Variants in WDR70 observed in about 807,000 individuals in gnomAD.
The protein encoded by WDR70 is WD repeat-containing protein 70.
WDR70 carries 53 observed loss-of-function variants against 88.6 expected under a neutral mutation model. The ratio of observed to expected loss-of-function variants is 0.60; its 90% confidence interval spans 0.48 to 0.75. WDR70 has a LOEUF of 0.75. Among genes scored for constraint, WDR70 ranks in the 30% least tolerant of loss-of-function variants. The pLI is 0.00. For synonymous variants in WDR70, 280 were observed against 270.0 expected (o/e 1.04, Z -0.36); for missense variants, 610 against 823.2 (o/e 0.74, Z 3.17).
Position 37,752,537 on chromosome 5 carries a change from A to G in WDR70, c.1929A>G (p.Ala643=). 3.7e-6 allele frequency: 6 copies of G among 1,613,276 alleles called. No homozygotes were observed. The highest frequency in any genetic ancestry group is 5.1e-6 in the Non-Finnish European group (6 of 1,179,560). Residue 643 remains alanine, a synonymous_variant, in exon 18 of 18, where the codon GCA becomes GCG. Transcript: ENST00000265107. ...AAGTTGAATCTGATGATGAGGAAGC[A>G]AAGAATGAGCCAGAATGGAAAAAAC... The part of the protein sequence containing the change: ...FAQVESDDEE[A]KNEPEWKKRK...
chr5:37,469,835 T>G (rs1157768035), intron 7 of WDR70, among the ~76,000 whole-genome samples: 1 of 152,182 alleles, frequency 6.6e-6, no homozygotes, highest in African/African-American at 2.4e-5. Context: ...TAAGGTAAAC[T>G]AAGTTTTTCT....
At chr5:37,628,558 T>C (rs1744732768) in intron 10 of WDR70, among the ~76,000 whole-genome samples, 2 of 152,216 alleles carry the variant, frequency 1.3e-5, no homozygotes, top group African/African-American at 4.8e-5. Flanking sequence ...TTCATGTGCA[T>C]GTAATACTTT....
chr5:37,610,626 T>C (rs1744166311), intron 10 of WDR70, among the ~76,000 whole-genome samples: 1 of 152,152 alleles, frequency 6.6e-6, no homozygotes, highest in African/African-American at 2.4e-5. Flanking sequence ...TGAGGAGCTC[T>C]CACCTCACTG....
chr5:37,388,112 A>G (rs1320669427), intron 3 of WDR70, among the ~76,000 whole-genome samples: 1 of 151,872 alleles, frequency 6.6e-6, no homozygotes, highest in Non-Finnish European at 1.5e-5. Flanking sequence ...GGACATATGA[A>G]ATACAAATTT....
chr5:37,669,169 T>G (rs1408033374), intron 10 of WDR70, among the ~76,000 whole-genome samples: 1 of 152,208 alleles, frequency 6.6e-6, no homozygotes, highest in Admixed American at 6.5e-5. Flanking sequence ...TTTATATATC[T>G]CAGTGTTGTG....
intron 5 of WDR70, among the ~76,000 whole-genome samples, chr5:37,423,961 C>A (rs1367756375): frequency 5.4e-5 from 8 of 148,872 alleles, no homozygotes; most frequent in African/African-American, 2.0e-4. Context: ...CCAGCCTGGC[C>A]AACATGGTGA....
rs372369337 is a variant in WDR70, at chr5:37,483,247, C to A, written c.840+3260C>A. On this transcript the variant is annotated intron_variant, in intron 8 of 17. Transcript: ENST00000265107. Reference sequence around the variant, plus strand: ...TGGTTTTCCTAGGCAGAGGACCCTGCGGCCTTCCGCAGTGTTTGTGTCCCT... The same window carrying A: ...TGGTTTTCCTAGGCAGAGGACCCTGAGGCCTTCCGCAGTGTTTGTGTCCCT... Among the ~76,000 whole-genome samples, 30 of 151,476 alleles carry A rather than the reference C, an allele frequency of 2.0e-4. No individual in the cohort carries two copies. The East Asian group carries it at 5.3e-3, about 27-fold the overall frequency.
chr5:37,412,995 T>A (rs1749571370), intron 5 of WDR70, among the ~76,000 whole-genome samples: 1 of 152,078 alleles, frequency 6.6e-6, no homozygotes, highest in African/African-American at 2.4e-5. Context: ...TGAAGTTGAC[T>A]TCAATTAAAG....
intron 4 of WDR70, among the ~76,000 whole-genome samples, chr5:37,395,743 G>A (rs968657326): frequency 6.6e-6 from 1 of 151,870 alleles, no homozygotes; most frequent in African/African-American, 2.4e-5. Flanking sequence ...TTACTATTTT[G>A]TAGTTTTTCT....
chr5:37,696,042 T>C (rs1238540270), intron 10 of WDR70, among the ~76,000 whole-genome samples: 4 of 152,208 alleles, frequency 2.6e-5, no homozygotes, highest in African/African-American at 9.6e-5. Flanking sequence ...CGTATTACTC[T>C]GTATTTCCCC....
At chr5:37,487,610 TA>T (rs1739916238) in intron 8 of WDR70, among the ~76,000 whole-genome samples, 1 of 43,256 alleles carries the variant, frequency 2.3e-5, no homozygotes, top group African/African-American at 4.7e-5. Context: ...AATATATATA[TA>T]TATATATATA....
chr5:37,391,528 T>C (rs1280354481), intron 3 of WDR70, among the ~76,000 whole-genome samples: 3 of 152,244 alleles, frequency 2.0e-5, no homozygotes, highest in African/African-American at 7.2e-5. Context: ...TTTGTTTTTC[T>C]GTGAGTGGTC....
intron 10 of WDR70, among the ~76,000 whole-genome samples, chr5:37,656,681 G>A (rs906692008): frequency 6.6e-6 from 1 of 152,240 alleles, no homozygotes; most frequent in Admixed American, 6.5e-5. Flanking sequence ...ACTGGCTACA[G>A]CTGCTTTGCT....
chr5:37,514,425 A>T (rs1214267496), intron 8 of WDR70, among the ~76,000 whole-genome samples: 1 of 138,296 alleles, frequency 7.2e-6, no homozygotes, highest in Non-Finnish European at 1.6e-5. Flanking sequence ...CATGTGCAGG[A>T]TATACAGGTT....
chr5:37,490,990 A>G (rs1265062829), intron 8 of WDR70, among the ~76,000 whole-genome samples: 1 of 152,006 alleles, frequency 6.6e-6, no homozygotes, highest in Non-Finnish European at 1.5e-5. Flanking sequence ...GGGCTCTCAA[A>G]TTCGTGCCAT....
intron 9 of WDR70, among the ~76,000 whole-genome samples, chr5:37,523,696 A>C (rs949762672): frequency 2.0e-5 from 3 of 152,220 alleles, no homozygotes; most frequent in African/African-American, 7.2e-5. Flanking sequence ...TAAAGGAGGA[A>C]GTTCGAACTC....
At chr5:37,712,718 T>C (rs180742023) in intron 13 of WDR70, among the ~76,000 whole-genome samples, 59 of 152,332 alleles carry the variant, frequency 3.9e-4, no homozygotes, top group African/African-American at 1.4e-3. Context: ...TTTTTATTTT[T>C]TGAAACATAG....
rs189861736 is a variant in WDR70 at position 37,431,627 on chromosome 5, A to G, written c.493-6295A>G. On this transcript the variant is annotated intron_variant, in intron 5 of 17. Transcript: ENST00000265107. ...TAAGTGTACAATTCAGTATTGTTAC[A>G]TATATTCACATTATTGTACAATCAA... is the stretch of plus-strand genomic sequence containing the variant. Among the ~76,000 whole-genome samples, 468 of 152,322 alleles carry G rather than the reference A, an allele frequency of 3.1e-3. 5 individuals carry two copies. Among genetic ancestry groups the G allele is most frequent in the Non-Finnish European group, 3.1e-3 (213 of 68,034 alleles).
At chr5:37,415,618 C>A (rs1487385866) in intron 5 of WDR70, among the ~76,000 whole-genome samples, 110 of 147,574 alleles carry the variant, frequency 7.5e-4, no homozygotes, top group Non-Finnish European at 1.4e-3. Flanking sequence ...GGGGCTGACC[C>A]CCCCCACCTC....
Sources: allele counts gnomAD v4.1 joint callset (sites outside exome capture counted in the v4.1 genomes callset), GRCh38; gene constraint gnomAD v4.1.1; transcripts MANE v1.5; gene names NCBI Gene and HGNC (gene_info 2026-07-23, HGNC 2026-07-21).